The following MYRIP variants were observed in gnomAD, a reference collection of about 807,000 sequenced individuals.
MYRIP encodes the protein myosin VIIA and Rab interacting protein, also known as rab effector MyRIP.
In MYRIP, 49 loss-of-function variants were observed where a neutral mutation model predicts 98.0. The ratio of observed to expected loss-of-function variants is 0.50; its 90% CI spans 0.40 to 0.63. MYRIP has a LOEUF of 0.63. Ranked by LOEUF, MYRIP falls within the 30% of genes least tolerant of loss-of-function variation. MYRIP has a pLI of 0.00. For synonymous variants in MYRIP, 404 were observed against 409.5 expected (o/e 0.99, Z 0.16); for missense variants, 1,004 against 1,058.2 (o/e 0.95, Z 0.71).
chr3:39,823,744 T>C (rs1941185135), intron 1 of MYRIP, among the ~76,000 whole-genome samples: 1 of 152,178 alleles, frequency 6.6e-6, no homozygotes, highest in South Asian at 2.1e-4. Flanking sequence ...ATTCTGGATA[T>C]TAATTTCCTG....
intron 3 of MYRIP, among the ~76,000 whole-genome samples, chr3:40,094,013 A>G (rs936156778): frequency 3.9e-5 from 6 of 151,900 alleles, no homozygotes; most frequent in African/African-American, 1.5e-4. Context: ...AGGCCTTTGC[A>G]CGTGCTATTT....
At chr3:40,156,312 G>A (rs990975177) in intron 4 of MYRIP, among the ~76,000 whole-genome samples, 5 of 152,110 alleles carry the variant, frequency 3.3e-5, no homozygotes, top group African/African-American at 9.7e-5. Flanking sequence ...TAGATATGCG[G>A]CATTATTTCT....
At chr3:39,982,115 T>C (rs891708672) in intron 2 of MYRIP, among the ~76,000 whole-genome samples, 1 of 152,226 alleles carries the variant, frequency 6.6e-6, no homozygotes, top group Admixed American at 6.5e-5. Context: ...TCTAAAGTGC[T>C]GAACAGAATG....
At chr3:39,878,854 A>C (rs1251655697) in intron 1 of MYRIP, among the ~76,000 whole-genome samples, 1 of 151,254 alleles carries the variant, frequency 6.6e-6, no homozygotes, top group Non-Finnish European at 1.5e-5. Context: ...GAAGAGATAG[A>C]GACCATTCTG....
intron 11 of MYRIP, among the ~76,000 whole-genome samples, chr3:40,217,908 A>T (rs1056448031): frequency 2.0e-5 from 3 of 152,192 alleles, no homozygotes; most frequent in African/African-American, 7.2e-5. Flanking sequence ...CAAAACTATG[A>T]TGACTTTAGA....
Position 40,064,378 on chromosome 3 carries a change from C to G in MYRIP, c.332+20107C>G, listed in dbSNP as rs1273657225. 2.0e-5 allele frequency among the ~76,000 whole-genome samples: 3 copies of G among 152,046 alleles called. 1 individual carries two copies. The highest frequency in any genetic ancestry group is 1.5e-5 in the Non-Finnish European group (1 of 68,026). On this transcript the variant is annotated intron_variant, in intron 3 of 16. Coordinates refer to ENST00000302541, the MANE Select transcript of MYRIP (RefSeq NM_015460.4). ...GAGGGAGAAAAAAAAACCTTGCTCT[C>G]TTTATCTATAAAGCAGAGACATATA...
At chr3:39,908,448 T>A (rs1943938562) in intron 2 of MYRIP, among the ~76,000 whole-genome samples, 1 of 152,142 alleles carries the variant, frequency 6.6e-6, no homozygotes. Flanking sequence ...ATTGCTCAGG[T>A]CTAAGTGTTC....
intron 2 of MYRIP, among the ~76,000 whole-genome samples, chr3:39,907,748 A>G (rs1363844359): frequency 1.3e-5 from 2 of 152,192 alleles, no homozygotes; most frequent in Non-Finnish European, 2.9e-5. Flanking sequence ...TTTGACTTGT[A>G]GATGAAGAAA....
chr3:40,028,271 TG>T (rs939829955), intron 2 of MYRIP, among the ~76,000 whole-genome samples: 4 of 152,108 alleles, frequency 2.6e-5, no homozygotes, highest in African/African-American at 9.7e-5. Context: ...CTACACCAGA[TG>T]TAAGAAGATA....
intron 3 of MYRIP, among the ~76,000 whole-genome samples, chr3:40,064,670 C>T (rs927814344): frequency 1.3e-5 from 2 of 152,192 alleles, no homozygotes; most frequent in African/African-American, 2.4e-5. Flanking sequence ...GTGAAGTTGA[C>T]GTTTCTGTCC....
intron 1 of MYRIP, among the ~76,000 whole-genome samples, chr3:39,857,170 G>A (rs1367403661): frequency 6.6e-6 from 1 of 151,804 alleles, no homozygotes; most frequent in African/African-American, 2.4e-5. Flanking sequence ...CCAAGACCAT[G>A]CTACTGCACT....
intron 2 of MYRIP, among the ~76,000 whole-genome samples, chr3:39,992,102 C>T (rs923505737): frequency 6.6e-6 from 1 of 152,140 alleles, no homozygotes; most frequent in Non-Finnish European, 1.5e-5. Flanking sequence ...CTTAACATTG[C>T]GTGCCACCAA....
intron 3 of MYRIP, among the ~76,000 whole-genome samples, chr3:40,086,036 T>A (rs1948618679): frequency 1.3e-5 from 2 of 151,208 alleles, no homozygotes; most frequent in African/African-American, 4.9e-5. Context: ...TATAAAGAAA[T>A]ACAGTAAAAA....
rs1694746836 is a variant in MYRIP, at chr3:40,067,374, T to C, written c.332+23103T>C. The stretch of plus-strand genomic sequence containing the variant: ...GGTTTTCAGGGGCTCAATCTAATTG[T>C]CTAGAGGGCATTCATAAATATCTTT... On this transcript the variant is annotated intron_variant, in intron 3 of 16. Coordinates refer to ENST00000302541, the MANE Select transcript of MYRIP (RefSeq NM_015460.4). Among the ~76,000 whole-genome samples the C allele has an allele frequency of 2.0e-5, 3 of 152,154 alleles. No homozygotes were observed. The South Asian group carries it at 6.2e-4, about 32-fold the overall frequency.
At chr3:40,085,318 ACT>A (rs928598369) in intron 3 of MYRIP, among the ~76,000 whole-genome samples, 1 of 151,968 alleles carries the variant, frequency 6.6e-6, no homozygotes, top group Non-Finnish European at 1.5e-5. Context: ...ATGGAGCCTC[ACT>A]CTGTCACCCA....
chr3:40,014,546 T>A (rs1946820653), intron 2 of MYRIP, among the ~76,000 whole-genome samples: 1 of 151,968 alleles, frequency 6.6e-6, no homozygotes, highest in Non-Finnish European at 1.5e-5. Context: ...CACACCAGAG[T>A]CCACTACTCC....
In MYRIP at chr3:40,179,014, A is replaced by G. The variant is rs1056081480; in HGVS notation, c.874-3206A>G. Among the ~76,000 whole-genome samples the G allele has an allele frequency of 2.0e-5, 3 of 152,330 alleles. No homozygotes were observed. In the East Asian group the frequency reaches 5.8e-4, roughly 29 times the overall value. ...CTGTGTACCCTAGAATAAGTAAGAC[A>G]AGCAGAGTCTGTGCGTAGGAAAGAA... On this transcript the variant is annotated intron_variant, in intron 8 of 16. Transcript: ENST00000302541.
At chr3:40,109,978 G>A (rs1426980420) in intron 3 of MYRIP, among the ~76,000 whole-genome samples, 1 of 152,234 alleles carries the variant, frequency 6.6e-6, no homozygotes, top group East Asian at 1.9e-4. Context: ...GGGAGTTCCT[G>A]CAGGAGTACA....
intron 2 of MYRIP, among the ~76,000 whole-genome samples, chr3:40,003,453 G>T (rs1457102029): frequency 6.6e-6 from 1 of 152,186 alleles, no homozygotes; most frequent in African/African-American, 2.4e-5. Flanking sequence ...GATTTCACTG[G>T]TTCAGAACAA....
Sources: gnomAD v4.1 joint callset for allele counts (sites outside exome capture counted in the v4.1 genomes callset) on GRCh38, gnomAD v4.1.1 for gene constraint, MANE v1.5 for transcripts, NCBI Gene and HGNC (gene_info 2026-07-23, HGNC 2026-07-21) for gene names.